Variants in CALN1 observed in about 807,000 individuals in gnomAD.
CALN1 encodes the protein calcium-binding protein 8.
CALN1 carries 17 observed loss-of-function variants against 30.6 expected under a neutral mutation model. The ratio of observed to expected loss-of-function variants is 0.56; its 90% CI spans 0.38 to 0.83. CALN1 has a LOEUF of 0.83. Ranked by LOEUF, CALN1 falls within the 40% of genes least tolerant of loss-of-function variation. The pLI is 0.00. For synonymous variants in CALN1, 156 were observed against 131.4 expected, an observed-to-expected ratio of 1.19 and a Z score of -1.28; for missense variants, 291 against 354.9, an observed-to-expected ratio of 0.82 and a Z score of 1.45.
At position 72,030,318 on chromosome 7, in the gene CALN1, T is replaced by C. The variant is rs183267179; in HGVS notation, c.389-6549A>G. Among the ~76,000 whole-genome samples the C allele has an allele frequency of 1.5e-3, 228 of 152,296 alleles. 1 individual carries two copies. Among genetic ancestry groups the C allele is most frequent in the Non-Finnish European group, 2.7e-3 (181 of 68,020 alleles). On this transcript the variant is annotated intron_variant, in intron 4 of 6. Transcript: ENST00000395275. ...CCATATCTCCAGCTGTCTCCCGATA[T>C]TTCTCAGCTCTGGTTCCTAAGTATG...
intron 2 of CALN1, among the ~76,000 whole-genome samples, chr7:72,379,174 A>G (rs560916608): frequency 6.6e-6 from 1 of 152,168 alleles, no homozygotes; most frequent in East Asian, 1.9e-4. Context: ...CTGTCACACA[A>G]ACTGGATTAC....
intron 3 of CALN1, among the ~76,000 whole-genome samples, chr7:72,175,125 G>GTGAT (rs1277505392): frequency 2.0e-5 from 3 of 151,616 alleles, no homozygotes; most frequent in Admixed American, 6.6e-5. Context: ...CCAGGCTGGA[G>GTGAT]TGCAGTGGCG....
At chr7:72,019,471 A>G (rs1407028780) in intron 5 of CALN1, among the ~76,000 whole-genome samples, 11 of 152,194 alleles carry the variant, frequency 7.2e-5, no homozygotes, top group Non-Finnish European at 5.9e-5. Context: ...ATTGTGTCCA[A>G]CTTGATAGCT....
intron 4 of CALN1, among the ~76,000 whole-genome samples, chr7:72,047,096 G>A (rs1027377523): frequency 6.6e-6 from 1 of 151,968 alleles, no homozygotes; most frequent in African/African-American, 2.4e-5. Context: ...AAAACTAGTG[G>A]GGAAACGTAA....
intron 6 of CALN1, among the ~76,000 whole-genome samples, chr7:71,800,091 C>T (rs1257596392): frequency 6.6e-6 from 1 of 152,206 alleles, no homozygotes; most frequent in Non-Finnish European, 1.5e-5. Flanking sequence ...TCTCTCCATC[C>T]AGGTGTGAAC....
intron 1 of CALN1, among the ~76,000 whole-genome samples, chr7:72,437,977 CTCTT>C (rs1249163505): frequency 6.9e-6 from 1 of 145,508 alleles, no homozygotes; most frequent in East Asian, 2.1e-4. Context: ...CCCTTCCCTT[CTCTT>C]TCTTTCTTCT....
At position 72,054,542 on chromosome 7, in the gene CALN1, T is replaced by C. The variant is rs200111709; in HGVS notation, c.389-30773A>G. On this transcript the variant is annotated intron_variant, in intron 4 of 6. Coordinates refer to ENST00000395275, the MANE Select transcript of CALN1 (RefSeq NM_031468.4). Reference sequence around the variant, plus strand: ...ATACATATATACATACATATATATATACATATATATATATATATAATGGAA... The same window carrying C: ...ATACATATATACATACATATATATACACATATATATATATATATAATGGAA... Among the ~76,000 whole-genome samples the C allele has an allele frequency of 8.7e-3, 1,123 of 129,426 alleles. 51 individuals are homozygous for C. Among genetic ancestry groups the C allele is most frequent in the African/African-American group, 0.021 (679 of 32,762 alleles). 84.9% of individuals were successfully genotyped at this position (129,426 alleles called of 152,430 possible).
intron 4 of CALN1, among the ~76,000 whole-genome samples, chr7:72,025,612 A>C (rs1054050538): frequency 6.6e-6 from 1 of 152,168 alleles, no homozygotes; most frequent in Non-Finnish European, 1.5e-5. Flanking sequence ...CGAACCTTCA[A>C]GGCATTGTTG....
chr7:71,838,626 T>C (rs571176254), intron 5 of CALN1, among the ~76,000 whole-genome samples: 2 of 152,306 alleles, frequency 1.3e-5, no homozygotes, highest in South Asian at 4.1e-4. Context: ...AATTCTCATC[T>C]TGAATTGTAG....
intron 5 of CALN1, among the ~76,000 whole-genome samples, chr7:71,874,120 C>A (rs1189110218): frequency 1.3e-5 from 2 of 151,590 alleles, no homozygotes; most frequent in African/African-American, 4.8e-5. Context: ...ACTAAAAATA[C>A]AAAAATTAGC....
intron 2 of CALN1, among the ~76,000 whole-genome samples, chr7:72,286,714 A>G (rs1798101287): frequency 6.6e-6 from 1 of 152,240 alleles, no homozygotes; most frequent in South Asian, 2.1e-4. Context: ...CTTGGTTTGG[A>G]CAGATCTCAA....
At chr7:72,484,679 C>A in the CALN1 span, among the ~76,000 whole-genome samples, 6 of 152,320 alleles carry the variant, frequency 3.9e-5, no homozygotes, top group Admixed American at 3.3e-4. Flanking sequence ...CCACCTTCAT[C>A]TCCCCAGAAT....
At chr7:72,184,723 T>C (rs1484000789) in intron 3 of CALN1, among the ~76,000 whole-genome samples, 2 of 152,174 alleles carry the variant, frequency 1.3e-5, no homozygotes, top group African/African-American at 4.8e-5. Flanking sequence ...CAAAGGGGCC[T>C]CAGGAATTAC....
chr7:72,366,172 A>T (rs1439744941), intron 2 of CALN1, among the ~76,000 whole-genome samples: 2 of 151,264 alleles, frequency 1.3e-5, no homozygotes, highest in Non-Finnish European at 2.9e-5. Flanking sequence ...TTAATTTTTT[A>T]TTTTATTTTA....
intron 2 of CALN1, among the ~76,000 whole-genome samples, chr7:72,280,363 T>A (rs1797654653): frequency 6.6e-6 from 1 of 152,170 alleles, no homozygotes; most frequent in African/African-American, 2.4e-5. Context: ...AGCATGTACA[T>A]CCACAGAACA....
At chr7:72,077,281 T>G (rs146612302) in intron 4 of CALN1, among the ~76,000 whole-genome samples, 2 of 152,220 alleles carry the variant, frequency 1.3e-5, no homozygotes, top group Non-Finnish European at 2.9e-5. Context: ...TTATTTTATT[T>G]TATTTATTTT....
At chr7:72,231,912 C>T (rs1794132429) in intron 3 of CALN1, among the ~76,000 whole-genome samples, 1 of 152,176 alleles carries the variant, frequency 6.6e-6, no homozygotes, top group Non-Finnish European at 1.5e-5. Context: ...ATGTAAGTTG[C>T]ACTGGGGGGC....
intron 1 of CALN1, among the ~76,000 whole-genome samples, chr7:72,428,938 A>G (rs543537401): frequency 6.6e-6 from 1 of 152,284 alleles, no homozygotes; most frequent in Admixed American, 6.5e-5. Flanking sequence ...TGACCCCCTA[A>G]CTACACATAC....
intron 3 of CALN1, among the ~76,000 whole-genome samples, chr7:72,203,979 C>CTTTTTTTTTTTTTTT (rs869149598): frequency 1.2e-4 from 10 of 83,776 alleles, no homozygotes; most frequent in African/African-American, 4.7e-4. Flanking sequence ...AGGCCTCTCT[C>CTTTTTTTTTTTTTTT]TTTTTTTTTT....
Sources: allele counts gnomAD v4.1 joint callset (sites outside exome capture counted in the v4.1 genomes callset), GRCh38; gene constraint gnomAD v4.1.1; transcripts MANE v1.5; gene names NCBI Gene and HGNC (gene_info 2026-07-23, HGNC 2026-07-21).